The following COL9A3 variants were observed in gnomAD, a reference collection of about 807,000 sequenced individuals.
The protein encoded by COL9A3 is collagen alpha-3(IX) chain.
In COL9A3, 82 loss-of-function variants were observed where a neutral mutation model predicts 110.2. The observed-to-expected ratio is 0.74, with a 90% CI of 0.62 to 0.89. The LOEUF (loss-of-function observed/expected upper bound fraction) is 0.89. Ranked by LOEUF, COL9A3 falls within the 40% of genes least tolerant of loss-of-function variation. The probability of loss-of-function intolerance (pLI) is 0.00; values close to 1 mark genes in which losing one functional copy is unlikely to be tolerated. For synonymous variants in COL9A3, 494 were observed against 403.8 expected (o/e 1.22, Z -2.68); for missense variants, 1,066 against 981.3 (o/e 1.09, Z -1.15).
chr20:62,819,265 C>CTGGG lies in COL9A3; in HGVS notation c.228_231dup (p.Leu78TrpfsTer91). ...GGAAAGCCGGGGAAACCAGGAGAGG[C>CTGGG]TGGGCTGCCGGGACTGCCGGGTGTG... On this transcript the variant is annotated frameshift_variant, in exon 4 of 32. Coordinates refer to ENST00000649368, the MANE Select transcript of COL9A3 (RefSeq NM_001853.4). LOFTEE classifies it high-confidence loss of function. 6.2e-7 allele frequency: 1 copy of CTGGG among 1,612,360 alleles called. No individual in the cohort carries two copies. Among genetic ancestry groups the CTGGG allele is most frequent in the South Asian group, 1.1e-5 (1 of 91,044 alleles).
At chr20:62,821,306 G>A (rs895801560) in intron 6 of COL9A3, 90 bp downstream of exon 6, 4 of 1,432,690 alleles carry the variant, frequency 2.8e-6, no homozygotes, top group Non-Finnish European at 3.9e-6. Context: ...GGAATCCCAG[G>A]GACCATCCCT....
rs900699939 is a variant in COL9A3, at chr20:62,832,769, C to A, written c.1324-251C>A. 8 of 297,170 alleles carry A rather than the reference C, an allele frequency of 2.7e-5. No homozygotes were observed. In the African/African-American group the frequency reaches 3.8e-4, roughly 14 times the overall value. The allele number at this position is 297,170 out of a possible 1,614,324, so 18.4% of individuals were successfully genotyped here. On this transcript the variant is annotated intron_variant, in intron 25 of 31. Coordinates refer to ENST00000649368, the MANE Select transcript of COL9A3 (RefSeq NM_001853.4). ...GCCTGCAGCCATCGAACCCCCACCG[C>A]AGGTTCTGCTTGGCAGAAAAGCCTC...
intron 2 of COL9A3, 132 bp from the exon 3 acceptor site, chr20:62,818,386 A>C (rs1042294841): frequency 1.2e-6 from 1 of 864,226 alleles, no homozygotes; most frequent in African/African-American, 1.7e-5. Context: ...TCGGGGGCTC[A>C]GGGGCCCCTT....
intron 4 of COL9A3, 138 bp from the exon 5 acceptor site, chr20:62,819,791 G>C: frequency 1.1e-6 from 1 of 936,326 alleles, no homozygotes. Context: ...ACAGGGCCAA[G>C]AGAGGAGGCT....
rs907911369 is a variant in COL9A3, at chr20:62,821,546, C to G, written c.369+16C>G. Reference sequence around the variant, plus strand: ...TGGACCCCCCGTGAGTACTGACAACCCTTGGGGCCCTGAGCAAGCACGCAA... The same window carrying G: ...TGGACCCCCCGTGAGTACTGACAACGCTTGGGGCCCTGAGCAAGCACGCAA... On this transcript the variant is annotated intron_variant, in intron 7 of 31. Transcript: ENST00000649368. 8 of 1,612,750 alleles carry G rather than the reference C, an allele frequency of 5.0e-6. No homozygotes were observed. Among genetic ancestry groups the G allele is most frequent in the South Asian group, 1.1e-5 (1 of 91,084 alleles).
chr20:62,817,540 C>T, intron 1 of COL9A3, 27 bp from the exon 2 acceptor site: 3 of 1,509,548 alleles, frequency 2.0e-6, no homozygotes, highest in Non-Finnish European at 2.7e-6. Context: ...GGCACCTGCG[C>T]TCCTTAATGA....
Position 62,835,952 on chromosome 20 carries a change from A to G in COL9A3, c.1400A>G (p.Glu467Gly). Reference sequence around the variant, plus strand: ...AGCGGCCTGGTCGGACCCAAAGGAGAGGTGAGTGCCCGGCGACTGTTCCGA... The same window carrying G: ...AGCGGCCTGGTCGGACCCAAAGGAGGGGTGAGTGCCCGGCGACTGTTCCGA... The part of the protein sequence containing the change: ...GPSGLVGPKG[E>G]SGSRGELGPK... The change falls in exon 27 of 32, where the codon GAG becomes GGG. Residue 467 changes from glutamate to glycine, a missense_variant and splice_region_variant. Coordinates refer to ENST00000649368, the MANE Select transcript of COL9A3 (RefSeq NM_001853.4). 1 of 1,613,908 alleles carries G rather than the reference A, an allele frequency of 6.2e-7. No homozygotes were observed. The highest frequency in any genetic ancestry group is 8.5e-7 in the Non-Finnish European group (1 of 1,179,962).
chr20:62,832,178 A>G lies in COL9A3; in HGVS notation c.1312A>G (p.Lys438Glu), dbSNP rs2063602180. 3 of 1,612,872 alleles carry G rather than the reference A, an allele frequency of 1.9e-6. No individual in the cohort carries two copies. The Admixed American group carries it at 5.0e-5, about 27-fold the overall frequency. ...DRGPGGAAGP[K>E]GDQGIAGSDG... ...GGGTCCGGGAGGTGCCGCAGGCCCT[A>G]AGGGAGACCAGGTGAGCTGGGCACA... Residue 438 changes from lysine to glutamate, a missense_variant, in exon 25 of 32, where the codon AAG becomes GAG. Coordinates refer to ENST00000649368, the MANE Select transcript of COL9A3 (RefSeq NM_001853.4).
intron 14 of COL9A3, 55 bp from the exon 15 acceptor site, chr20:62,826,712 G>T: frequency 6.3e-7 from 1 of 1,597,002 alleles, no homozygotes; most frequent in Non-Finnish European, 8.6e-7. Context: ...AGCACTGGGG[G>T]GATGCCAGCC....
Position 62,840,838 on chromosome 20 carries a change from C to T in COL9A3, c.*106C>T, listed in dbSNP as rs931551861. On this transcript the variant is annotated 3_prime_UTR_variant, in exon 32 of 32. Coordinates refer to ENST00000649368, the MANE Select transcript of COL9A3 (RefSeq NM_001853.4). ...GTGACGTCCAGGAGAGGGAGCGCCCCTGGCTGCCCCTCGGCCGCCGACTGG... is the reference window on the plus strand; with the variant it reads ...GTGACGTCCAGGAGAGGGAGCGCCCTTGGCTGCCCCTCGGCCGCCGACTGG... 1.5e-6 allele frequency: 2 copies of T among 1,363,368 alleles called. No individual in the cohort carries two copies. The highest frequency in any genetic ancestry group is 1.3e-5 in the South Asian group (1 of 79,182). The allele number at this position is 1,363,368 out of a possible 1,614,324, so 84.5% of individuals were successfully genotyped here.
chr20:62,825,302 C>G (rs1296240907), intron 12 of COL9A3, among the ~76,000 whole-genome samples: 2 of 152,124 alleles, frequency 1.3e-5, no homozygotes, highest in East Asian at 3.9e-4. Context: ...AGGCAGGGTC[C>G]CTGGACAGAC....
In COL9A3 at chr20:62,824,899, A is replaced by G. The variant is rs919761890; in HGVS notation, c.577-69A>G. 7.4e-6 allele frequency: 11 copies of G among 1,486,496 alleles called. No individual in the cohort carries two copies. The African/African-American group carries it at 1.4e-4, about 19-fold the overall frequency. The allele number at this position is 1,486,496 out of a possible 1,614,324, so 92.1% of individuals were successfully genotyped here. On this transcript the variant is annotated intron_variant, in intron 11 of 31. Coordinates refer to ENST00000649368, the MANE Select transcript of COL9A3 (RefSeq NM_001853.4). ...TGGGCTGACTGACCCTGCAGGCCTC[A>G]CTTCAGTGTTGCCAGGGAGGGGGTG...
intron 31 of COL9A3, among the ~76,000 whole-genome samples, chr20:62,839,327 TCA>T (rs1182017255): frequency 2.0e-5 from 3 of 152,240 alleles, no homozygotes; most frequent in Admixed American, 1.3e-4. Context: ...AGTATCTATT[TCA>T]GTTAAAGTAT....
chr20:62,835,264 G>A (rs970693067), intron 26 of COL9A3, among the ~76,000 whole-genome samples: 6 of 152,202 alleles, frequency 3.9e-5, no homozygotes, highest in Admixed American at 6.5e-5. Context: ...TAGTTCTGGA[G>A]GCTGGGAAGC....
intron 30 of COL9A3, among the ~76,000 whole-genome samples, chr20:62,838,405 G>A (rs1428389775): frequency 1.3e-5 from 2 of 152,214 alleles, no homozygotes; most frequent in Non-Finnish European, 2.9e-5. Context: ...ACACGGGAAA[G>A]GAATGGTAAA....
At chr20:62,836,402 C>T (rs934265882) in intron 28 of COL9A3, 69 bp downstream of exon 28, 1 of 1,613,982 alleles carries the variant, frequency 6.2e-7, no homozygotes, top group East Asian at 2.2e-5. Flanking sequence ...AAGGAAGTTA[C>T]TTTGCGGGGT....
Position 62,835,934 on chromosome 20 carries a change from T to A in COL9A3, c.1382T>A (p.Leu461Gln). The change falls in exon 27 of 32, where the codon CTG becomes CAG. Residue 461 changes from leucine to glutamine, a missense_variant. By Grantham distance (113) the Leu-to-Gln change is moderately radical. Transcript: ENST00000649368. ...TTCTCTTCACAGGGTCCCAGCGGCC[T>A]GGTCGGACCCAAAGGAGAGGTGAGT... is the stretch of plus-strand genomic sequence containing the variant. ...GDKGELGPSG[L>Q]VGPKGESGSR... The A allele has an allele frequency of 6.2e-7, 1 of 1,614,188 alleles. No homozygotes were observed. Among genetic ancestry groups the A allele is most frequent in the Non-Finnish European group, 8.5e-7 (1 of 1,180,036 alleles).
At chr20:62,822,278 A>G in intron 9 of COL9A3, 114 bp downstream of exon 9, 1 of 775,764 alleles carries the variant, frequency 1.3e-6, no homozygotes, top group Non-Finnish European at 2.3e-6. Context: ...TCCTAACCCT[A>G]ACTTGGCCAC....
Position 62,820,225 on chromosome 20 carries a change from G to A in COL9A3, c.309+243G>A, listed in dbSNP as rs543698552. ...GGTATCCAGACCATGGCAGGGAGAA[G>A]GGGGATGGTTTGGGGGAACCCACCC... On this transcript the variant is annotated intron_variant, in intron 5 of 31. Transcript: ENST00000649368. Among the ~76,000 whole-genome samples the A allele has an allele frequency of 2.0e-5, 3 of 152,200 alleles. No individual in the cohort carries two copies. The East Asian group carries it at 5.8e-4, about 29-fold the overall frequency.
Sources: gnomAD v4.1 joint callset for allele counts (sites outside exome capture counted in the v4.1 genomes callset) on GRCh38, gnomAD v4.1.1 for gene constraint, MANE v1.5 for transcripts, NCBI Gene and HGNC (gene_info 2026-07-23, HGNC 2026-07-21) for gene names.